Variants in HAVCR1 observed in about 807,000 individuals in gnomAD.
HAVCR1 encodes T cell immunoglobin domain and mucin domain protein 1.
Under a neutral mutation model 32.0 loss-of-function variants are expected in HAVCR1, and 34 were observed. The observed-to-expected ratio is 1.06, with a 90% CI of 0.81 to 1.42. The LOEUF is 1.42. HAVCR1 is among the 40% of genes most tolerant of loss of function. The probability of loss-of-function intolerance (pLI) is 0.00; values close to 1 mark genes in which losing one functional copy is unlikely to be tolerated. For missense variants in HAVCR1, 420 were observed against 442.3 expected, an observed-to-expected ratio of 0.95 and a Z score of 0.45; for synonymous variants, 178 against 170.3, an observed-to-expected ratio of 1.05 and a Z score of -0.35.
At chr5:157,053,369 C>T (rs1011871547) in intron 3 of HAVCR1, among the ~76,000 whole-genome samples, 6 of 119,260 alleles carry the variant, frequency 5.0e-5, no homozygotes, top group African/African-American at 1.9e-4. Flanking sequence ...AGAAACAGAG[C>T]GAGACCCTGT....
chr5:157,067,511 A>G, the HAVCR1 span, among the ~76,000 whole-genome samples: 4 of 152,114 alleles, frequency 2.6e-5, no homozygotes, highest in African/African-American at 9.7e-5. Flanking sequence ...CAAAAAATAA[A>G]AATAAAAAAA....
chr5:157,044,420 GGAGAAAGAAAGAAAGAAAGAAAGAAA>G (rs1393740325), intron 5 of HAVCR1, among the ~76,000 whole-genome samples: 12 of 32,266 alleles, frequency 3.7e-4, no homozygotes, highest in African/African-American at 1.9e-3. Context: ...AAGGAAGGAA[GGAGAAAGAAAGAAAGAAAGAAAGAAA>G]GAAAGAAAGA....
intron 4 of HAVCR1, among the ~76,000 whole-genome samples, chr5:157,050,175 T>C (rs563341994): frequency 1.3e-5 from 2 of 152,360 alleles, no homozygotes; most frequent in East Asian, 3.9e-4. Context: ...TTCTCAACTT[T>C]TTCCTGTTTT....
chr5:157,063,285 A>AT (rs70984433), upstream of HAVCR1, among the ~76,000 whole-genome samples: 260 of 131,776 alleles, frequency 2.0e-3, 1 homozygote, highest in Middle Eastern at 4.1e-3. Flanking sequence ...TGTAACTTAC[A>AT]TTTTTTTTTT....
chr5:157,038,717 G>C (rs1754690267), intron 6 of HAVCR1, among the ~76,000 whole-genome samples: 1 of 152,118 alleles, frequency 6.6e-6, no homozygotes. Context: ...GTGTAATGTG[G>C]GTAGATGGAG....
chr5:157,044,500 G>A (rs1269921109), intron 5 of HAVCR1, among the ~76,000 whole-genome samples: 88 of 114,732 alleles, frequency 7.7e-4, no homozygotes, highest in African/African-American at 5.6e-4. Flanking sequence ...AGGAAGGAAG[G>A]AAGGAAGGAG....
chr5:157,052,922 G>A (rs1485977001), intron 3 of HAVCR1, among the ~76,000 whole-genome samples: 1 of 152,156 alleles, frequency 6.6e-6, no homozygotes, highest in African/African-American at 2.4e-5. Flanking sequence ...TTGCACTGAA[G>A]CACTTTTTTG....
At chr5:157,050,697 A>G (rs929919799) in intron 4 of HAVCR1, among the ~76,000 whole-genome samples, 22 of 152,202 alleles carry the variant, frequency 1.4e-4, no homozygotes, top group African/African-American at 5.3e-4. Context: ...ACCTTAGCAG[A>G]CACAAGCTAA....
intron 3 of HAVCR1, among the ~76,000 whole-genome samples, chr5:157,053,236 T>C (rs1003106070): frequency 2.1e-4 from 32 of 151,148 alleles, no homozygotes; most frequent in African/African-American, 7.3e-4. Context: ...CTACAAAAAA[T>C]AGTCAAGTGT....
intron 6 of HAVCR1, among the ~76,000 whole-genome samples, chr5:157,041,284 G>A (rs1255650358): frequency 1.3e-5 from 2 of 152,142 alleles, no homozygotes; most frequent in East Asian, 3.9e-4. Flanking sequence ...GATCACTTGA[G>A]ATCAGAAGTT....
In HAVCR1 at chr5:157,055,251, C is replaced by T. The variant is rs758893991; in HGVS notation, c.329G>A (p.Arg110His). The T allele has an allele frequency of 2.5e-5, 40 of 1,608,916 alleles. No homozygotes were observed. The highest frequency in any genetic ancestry group is 1.3e-4 in the Admixed American group (8 of 59,804). ...SGVYCCRVEH[R>H]GWFNDMKITV... ...GATTTTCATGTCATTGAACCACCCA[C>T]GGTGCTCAACACGGCAACAATATAC... The change falls in exon 3 of 9, where the codon CGT becomes CAT. Residue 110 changes from arginine to histidine, a missense_variant. Physicochemically the swap from Arg to His is conservative, Grantham distance 29 (BLOSUM62 0). Coordinates refer to ENST00000523175, the MANE Select transcript of HAVCR1 (RefSeq NM_001173393.3).
At chr5:157,044,238 A>C (rs1031826976) in intron 5 of HAVCR1, among the ~76,000 whole-genome samples, 4 of 151,568 alleles carry the variant, frequency 2.6e-5, no homozygotes, top group African/African-American at 9.7e-5. Flanking sequence ...AGGCTGAGAC[A>C]CAAGAATTGC....
At chr5:157,052,726 C>T (rs1755841478) in intron 3 of HAVCR1, 72 bp from the exon 4 acceptor site, 3 of 1,229,908 alleles carry the variant, frequency 2.4e-6, no homozygotes, top group Non-Finnish European at 2.4e-6. Flanking sequence ...TGGAACTGTA[C>T]CCTAGCACAC....
chr5:157,033,885 T>C (rs186444324), intron 7 of HAVCR1, among the ~76,000 whole-genome samples: 2 of 152,238 alleles, frequency 1.3e-5, no homozygotes, highest in African/African-American at 4.8e-5. Context: ...AAACCCCATC[T>C]CTACTAAAAA....
Position 157,052,609 on chromosome 5 carries a change from G to A in HAVCR1, c.425C>T (p.Thr142Met), listed in dbSNP as rs150731397. The change falls in exon 4 of 9, where the codon ACG (threonine) becomes ATG (methionine). Residue 142 changes from threonine (T) to methionine (M), a missense_variant. Thr to Met is a moderately conservative substitution (Grantham distance 81). Coordinates refer to ENST00000523175, the MANE Select transcript of HAVCR1 (RefSeq NM_001173393.3). ...AACAGTGGTGCTCGTTCGAACAGTCGTGACGGTTGGAACAGTTGTGACAAT... is the reference window on the plus strand; with the variant it reads ...AACAGTGGTGCTCGTTCGAACAGTCATGACGGTTGGAACAGTTGTGACAAT... ...TPIVTTVPTV[T>M]TVRTSTTVPT... 9.9e-6 allele frequency: 16 copies of A among 1,612,958 alleles called. No homozygotes were observed. Among genetic ancestry groups the A allele is most frequent in the Admixed American group, 5.0e-5 (3 of 59,936 alleles).
chr5:157,051,711 G>T (rs183867851), intron 4 of HAVCR1, among the ~76,000 whole-genome samples: 1 of 152,180 alleles, frequency 6.6e-6, no homozygotes, highest in East Asian at 1.9e-4. Context: ...CTCTCACTAT[G>T]TTGCCCAGGC....
the HAVCR1 span, among the ~76,000 whole-genome samples, chr5:157,065,913 G>A: frequency 6.6e-6 from 1 of 151,416 alleles, no homozygotes; most frequent in Admixed American, 6.6e-5. Context: ...GAAATTAGCC[G>A]GGCGTGGTGG....
At position 157,052,311 on chromosome 5, in the gene HAVCR1, C is replaced by T. The variant is rs751324378; in HGVS notation, c.673+50G>A. On this transcript the variant is annotated intron_variant, in intron 4 of 8. Transcript: ENST00000523175. ...CCTTGATACAATGCCCTGGATGGTC[C>T]GCAGCTCCTCATTAGAAGGCCTTTG... is the stretch of plus-strand genomic sequence containing the variant. 12 of 1,527,342 alleles carry T rather than the reference C, an allele frequency of 7.9e-6. No individual in the cohort carries two copies. The South Asian group carries it at 9.1e-5, about 12-fold the overall frequency. The allele number at this position is 1,527,342 out of a possible 1,614,324, so 94.6% of individuals were successfully genotyped here.
intron 7 of HAVCR1, among the ~76,000 whole-genome samples, chr5:157,036,697 T>C (rs910015348): frequency 2.0e-5 from 3 of 152,076 alleles, no homozygotes; most frequent in African/African-American, 7.2e-5. Flanking sequence ...TGCTTTTTCT[T>C]TTTGTTCTTT....
Sources: gnomAD v4.1 joint callset for allele counts (sites outside exome capture counted in the v4.1 genomes callset) on GRCh38, gnomAD v4.1.1 for gene constraint, MANE v1.5 for transcripts, NCBI Gene and HGNC (gene_info 2026-07-23, HGNC 2026-07-21) for gene names.